KIAA1217: variants seen among roughly 807,000 people sequenced by gnomAD.
The protein encoded by KIAA1217 is sickle tail protein homolog.
In KIAA1217, 88 loss-of-function variants were observed where a neutral mutation model predicts 163.9. The ratio of observed to expected loss-of-function variants is 0.54; its 90% confidence interval spans 0.45 to 0.64. The LOEUF (loss-of-function observed/expected upper bound fraction) is 0.64, where lower values mean the gene tolerates loss of function less well. Ranked by LOEUF, KIAA1217 falls within the 30% of genes least tolerant of loss-of-function variation. The pLI is 0.00. For missense variants in KIAA1217, 2,372 were observed against 2,475.0 expected, an observed-to-expected ratio of 0.96 and a Z score of 0.88; for synonymous variants, 903 against 923.1, an observed-to-expected ratio of 0.98 and a Z score of 0.39.
chr10:23,832,872 G>A (rs760905081), intron 1 of KIAA1217, among the ~76,000 whole-genome samples: 8 of 152,024 alleles, frequency 5.3e-5, no homozygotes, highest in Admixed American at 2.0e-4. Flanking sequence ...GGCAGAAGGC[G>A]AAAGGAAGAT....
At chr10:24,294,593 A>G (rs1322785136) in intron 2 of KIAA1217, among the ~76,000 whole-genome samples, 1 of 152,248 alleles carries the variant, frequency 6.6e-6, no homozygotes, top group Non-Finnish European at 1.5e-5. Context: ...CAGCGTAGTC[A>G]GTGGATCTGT....
intron 1 of KIAA1217, among the ~76,000 whole-genome samples, chr10:23,800,448 C>T (rs1046404921): frequency 6.6e-6 from 1 of 152,024 alleles, no homozygotes; most frequent in Non-Finnish European, 1.5e-5. Context: ...CCCAGCTTCT[C>T]AGTGGTCACA....
At chr10:23,886,186 A>T (rs1841164015) in intron 1 of KIAA1217, among the ~76,000 whole-genome samples, 2 of 151,776 alleles carry the variant, frequency 1.3e-5, no homozygotes, top group South Asian at 4.1e-4. Flanking sequence ...AAAAAAGCTG[A>T]CCCTGTAGTG....
At chr10:24,385,409 C>A (rs180895536) in intron 3 of KIAA1217, among the ~76,000 whole-genome samples, 9 of 152,312 alleles carry the variant, frequency 5.9e-5, no homozygotes, top group Admixed American at 5.9e-4. Context: ...TCTTAGACAT[C>A]ACTGGTGTCT....
chr10:24,441,213 G>A (rs2060473214), intron 5 of KIAA1217, among the ~76,000 whole-genome samples: 1 of 152,172 alleles, frequency 6.6e-6, no homozygotes. Context: ...GTCAGTCACT[G>A]CAGTCCTGCC....
At chr10:24,116,273 G>A (rs549922159) in intron 2 of KIAA1217, among the ~76,000 whole-genome samples, 23 of 151,976 alleles carry the variant, frequency 1.5e-4, no homozygotes, top group Non-Finnish European at 3.2e-4. Flanking sequence ...TGACTGCACA[G>A]CTCAGAAAAA....
At chr10:24,488,167 G>A (rs1302871246) in intron 6 of KIAA1217, among the ~76,000 whole-genome samples, 2 of 152,190 alleles carry the variant, frequency 1.3e-5, no homozygotes, top group Non-Finnish European at 2.9e-5. Context: ...ACACCATTCT[G>A]AGTTAGAACT....
At chr10:24,157,806 A>T in intron 2 of KIAA1217, 1 of 437,502 alleles carries the variant, frequency 2.3e-6, no homozygotes, top group Non-Finnish European at 4.1e-6. Context: ...TGATATTTCT[A>T]AGAATATAAA....
chr10:24,096,158 C>T (rs1425599290), intron 2 of KIAA1217, among the ~76,000 whole-genome samples: 1 of 152,106 alleles, frequency 6.6e-6, no homozygotes, highest in Non-Finnish European at 1.5e-5. Flanking sequence ...ACCTCCACAC[C>T]CATGCCTGCT....
chr10:24,250,355 C>T (rs2074332376), intron 2 of KIAA1217, among the ~76,000 whole-genome samples: 1 of 152,032 alleles, frequency 6.6e-6, no homozygotes, highest in Admixed American at 6.6e-5. Context: ...CACAATGACT[C>T]CCAAACACAC....
chr10:24,235,970 T>C (rs1311044752), intron 2 of KIAA1217, among the ~76,000 whole-genome samples: 2 of 152,186 alleles, frequency 1.3e-5, no homozygotes, highest in African/African-American at 4.8e-5. Flanking sequence ...ACAGGTGTTT[T>C]GGGTTTAAAT....
intron 2 of KIAA1217, among the ~76,000 whole-genome samples, chr10:24,100,458 A>G (rs2062368130): frequency 1.3e-5 from 2 of 152,194 alleles, no homozygotes; most frequent in Non-Finnish European, 2.9e-5. Context: ...GTAACAGTAA[A>G]ATCAACATAA....
intron 1 of KIAA1217, among the ~76,000 whole-genome samples, chr10:23,981,012 C>T (rs541535487): frequency 1.3e-5 from 2 of 152,110 alleles, no homozygotes; most frequent in East Asian, 1.9e-4. Flanking sequence ...ACTTTAGTTG[C>T]GTGGTCAATT....
intron 1 of KIAA1217, among the ~76,000 whole-genome samples, chr10:23,703,494 G>A (rs12242420): frequency 0.019 from 2,848 of 152,180 alleles, 96 homozygotes; most frequent in African/African-American, 0.065. Context: ...TTTGAGATAC[G>A]CTGGCTCTCT....
intron 2 of KIAA1217, among the ~76,000 whole-genome samples, chr10:24,240,648 A>G (rs927716662): frequency 6.6e-6 from 1 of 152,212 alleles, no homozygotes; most frequent in African/African-American, 2.4e-5. Flanking sequence ...CATCATGTCC[A>G]TAAAATGGGA....
chr10:23,999,630 G>C (rs547762859), intron 1 of KIAA1217, among the ~76,000 whole-genome samples: 1 of 152,288 alleles, frequency 6.6e-6, no homozygotes, highest in African/African-American at 2.4e-5. Flanking sequence ...GGATGAGGGG[G>C]TAGATTCGCT....
intron 1 of KIAA1217, among the ~76,000 whole-genome samples, chr10:23,881,139 T>C (rs1840932322): frequency 5.3e-5 from 8 of 151,734 alleles, no homozygotes; most frequent in Admixed American, 5.3e-4. Flanking sequence ...AGTAGTTCAC[T>C]ATGGTGTGAA....
chr10:24,085,468 C>T (rs1209652529), intron 2 of KIAA1217, among the ~76,000 whole-genome samples: 1 of 152,074 alleles, frequency 6.6e-6, no homozygotes, highest in Non-Finnish European at 1.5e-5. Flanking sequence ...GTCTTCAGTG[C>T]AAGTCAAAAG....
At chr10:23,874,796 AAAT>A (rs1402143899) in intron 1 of KIAA1217, among the ~76,000 whole-genome samples, 1 of 151,988 alleles carries the variant, frequency 6.6e-6, no homozygotes, top group Non-Finnish European at 1.5e-5. Context: ...TCACTATTAC[AAAT>A]AATCATACAG....
Sources: gnomAD v4.1 joint callset for allele counts (sites outside exome capture counted in the v4.1 genomes callset) on GRCh38, gnomAD v4.1.1 for gene constraint, MANE v1.5 for transcripts, NCBI Gene and HGNC (gene_info 2026-07-23, HGNC 2026-07-21) for gene names.